Variants in ASIC2 observed in about 807,000 individuals in gnomAD.
ASIC2 encodes the protein acid-sensing ion channel 2.
Under a neutral mutation model 57.3 loss-of-function variants are expected in ASIC2, and 25 were observed. That is an observed-to-expected ratio of 0.44 (90% CI 0.32 to 0.61). The LOEUF is 0.61. Ranked by LOEUF, ASIC2 falls within the 20% of genes least tolerant of loss-of-function variation. The pLI is 0.06. For missense variants in ASIC2, 641 were observed against 738.1 expected, an observed-to-expected ratio of 0.87 and a Z score of 1.52; for synonymous variants, 319 against 307.5, an observed-to-expected ratio of 1.04 and a Z score of -0.39.
intron 1 of ASIC2, among the ~76,000 whole-genome samples, chr17:33,867,062 CCACA>C (rs1914256111): frequency 1.3e-5 from 2 of 152,156 alleles, no homozygotes; most frequent in South Asian, 4.1e-4. Flanking sequence ...GATTATCCAA[CCACA>C]GTTGGAATCT....
At chr17:33,821,483 A>G (rs535575181) in intron 1 of ASIC2, among the ~76,000 whole-genome samples, 1 of 152,230 alleles carries the variant, frequency 6.6e-6, no homozygotes, top group African/African-American at 2.4e-5. Context: ...GTGTCCAGAA[A>G]GGCCCTGAAA....
At chr17:33,505,933 G>A (rs1189983986) in intron 1 of ASIC2, among the ~76,000 whole-genome samples, 1 of 152,100 alleles carries the variant, frequency 6.6e-6, no homozygotes, top group East Asian at 1.9e-4. Flanking sequence ...TCCCTTACTG[G>A]ACTTCAAGCT....
At chr17:34,014,285 C>T (rs575065480) in intron 1 of ASIC2, among the ~76,000 whole-genome samples, 1 of 152,324 alleles carries the variant, frequency 6.6e-6, no homozygotes, top group African/African-American at 2.4e-5. Flanking sequence ...TTGATGGTCA[C>T]CCATAGCTAC....
At chr17:33,344,565 C>T (rs1355294512) in intron 1 of ASIC2, among the ~76,000 whole-genome samples, 3 of 152,152 alleles carry the variant, frequency 2.0e-5, no homozygotes, top group Non-Finnish European at 2.9e-5. Context: ...TCTCCCTGGG[C>T]TTCAGTTTCC....
rs371004956 is a variant in ASIC2 at position 34,099,790 on chromosome 17, G to GA, written c.555+56187dup. Among the ~76,000 whole-genome samples, 108 of 81,746 alleles carry GA rather than the reference G, an allele frequency of 1.3e-3. 1 individual carries two copies. Among genetic ancestry groups the GA allele is most frequent in the Middle Eastern group, 5.3e-3 (1 of 190 alleles). The allele number at this position is 81,746 out of a possible 152,430, so 53.6% of individuals were successfully genotyped here. ...AGAAAGAAAGAAAGAAAGAAAGAAAGAAAGAAAGAAAGAAAAGAGAATCTC... is the reference window on the plus strand; with the variant it reads ...AGAAAGAAAGAAAGAAAGAAAGAAAGAAAAGAAAGAAAGAAAAGAGAATCTC... On this transcript the variant is annotated intron_variant, in intron 1 of 9. Coordinates refer to the ASIC2 transcript ENST00000359872.
intron 1 of ASIC2, among the ~76,000 whole-genome samples, chr17:33,771,105 T>C (rs916755621): frequency 2.0e-5 from 3 of 152,148 alleles, no homozygotes; most frequent in Admixed American, 1.3e-4. Context: ...AGGGTAAGAA[T>C]AAAACTACAT....
chr17:33,663,329 A>T (rs1330067329), intron 1 of ASIC2, among the ~76,000 whole-genome samples: 1 of 152,126 alleles, frequency 6.6e-6, no homozygotes, highest in Non-Finnish European at 1.5e-5. Flanking sequence ...AATATTTCTC[A>T]GTGTAAATAG....
chr17:33,813,910 G>GGTT (rs1234053591), intron 1 of ASIC2, among the ~76,000 whole-genome samples: 1 of 152,170 alleles, frequency 6.6e-6, no homozygotes, highest in Non-Finnish European at 1.5e-5. Flanking sequence ...GAGGTTGAAT[G>GGTT]GTTGGTAGAG....
chr17:33,134,264 C>T (rs1727024307), intron 1 of ASIC2, among the ~76,000 whole-genome samples: 1 of 152,218 alleles, frequency 6.6e-6, no homozygotes, highest in Non-Finnish European at 1.5e-5. Context: ...AGCTGGGATT[C>T]ACACCGAGGT....
At chr17:33,151,224 A>G (rs944351724) in intron 1 of ASIC2, among the ~76,000 whole-genome samples, 1 of 149,184 alleles carries the variant, frequency 6.7e-6, no homozygotes, top group Non-Finnish European at 1.5e-5. Flanking sequence ...CACACACACA[A>G]TTAGCCAGGT....
At chr17:33,035,373 T>C (rs1393928712) in intron 3 of ASIC2, among the ~76,000 whole-genome samples, 2 of 152,240 alleles carry the variant, frequency 1.3e-5, no homozygotes, top group Non-Finnish European at 2.9e-5. Context: ...TTTGATTGTA[T>C]ACTAGGAGAG....
intron 3 of ASIC2, among the ~76,000 whole-genome samples, chr17:33,071,977 C>T (rs1379920337): frequency 6.6e-6 from 1 of 152,132 alleles, no homozygotes; most frequent in African/African-American, 2.4e-5. Flanking sequence ...GGGTAGTTTT[C>T]TCACATGCCT....
intron 1 of ASIC2, among the ~76,000 whole-genome samples, chr17:33,312,938 A>T (rs1242443998): frequency 2.0e-5 from 3 of 152,224 alleles, no homozygotes; most frequent in Non-Finnish European, 4.4e-5. Context: ...TTCCTTCTCA[A>T]GAGAGTCAGT....
At chr17:33,931,089 T>TACC (rs1423470225) in intron 1 of ASIC2, 1 of 152,048 alleles carries the variant, frequency 6.6e-6, no homozygotes, top group Admixed American at 6.6e-5. Context: ...TCTTCCTATG[T>TACC]AGCAGGATGA....
At chr17:33,580,516 T>G (rs984042500) in intron 1 of ASIC2, among the ~76,000 whole-genome samples, 2 of 152,198 alleles carry the variant, frequency 1.3e-5, no homozygotes, top group Admixed American at 1.3e-4. Flanking sequence ...AATTGGATGA[T>G]GGGTCTGTTG....
intron 1 of ASIC2, among the ~76,000 whole-genome samples, chr17:34,057,036 G>C (rs528418858): frequency 6.6e-6 from 1 of 152,294 alleles, no homozygotes; most frequent in East Asian, 1.9e-4. Flanking sequence ...AGCCATAGGT[G>C]AGTTGTTCTC....
intron 1 of ASIC2, among the ~76,000 whole-genome samples, chr17:33,272,852 A>G (rs767493296): frequency 3.3e-5 from 5 of 152,202 alleles, no homozygotes; most frequent in Admixed American, 2.0e-4. Flanking sequence ...ACAACTTTTT[A>G]CAAATGAGAA....
chr17:33,333,875 C>A (rs1907411663), intron 1 of ASIC2, among the ~76,000 whole-genome samples: 1 of 152,322 alleles, frequency 6.6e-6, no homozygotes, highest in South Asian at 2.1e-4. Context: ...TCATTTCTGA[C>A]AATTTGGAAA....
intron 1 of ASIC2, among the ~76,000 whole-genome samples, chr17:33,425,113 C>G (rs1018024089): frequency 1.3e-5 from 2 of 152,186 alleles, no homozygotes; most frequent in African/African-American, 2.4e-5. Context: ...GAAACTGAGG[C>G]TCTTTGAGAT....
Sources: allele counts gnomAD v4.1 joint callset (sites outside exome capture counted in the v4.1 genomes callset), GRCh38; gene constraint gnomAD v4.1.1; transcripts MANE v1.5; gene names NCBI Gene and HGNC (gene_info 2026-07-23, HGNC 2026-07-21).